Variants in CTNNB1 observed in about 807,000 individuals in gnomAD.
CTNNB1 encodes catenin beta 1, also known as catenin beta-1.
A neutral mutation model predicts 82.5 loss-of-function variants in CTNNB1; 6 were observed. That is an observed-to-expected ratio of 0.07 (90% CI 0.04 to 0.14). The LOEUF (loss-of-function observed/expected upper bound fraction) is 0.14. CTNNB1 is among the 10% of genes least tolerant of loss of function. The pLI is 1.00. For synonymous variants in CTNNB1, 312 were observed against 329.7 expected (o/e 0.95, Z 0.58); for missense variants, 529 against 980.4 (o/e 0.54, Z 6.15).
chr3:41,200,314 C>A (rs2077497730), intron 1 of CTNNB1: 1 of 152,120 alleles, frequency 6.6e-6, no homozygotes, highest in African/African-American at 2.4e-5. Flanking sequence ...GCAGCGGGTG[C>A]GATGCGTCAG....
chr3:41,203,812 A>T (rs565561279), intron 1 of CTNNB1, among the ~76,000 whole-genome samples: 3 of 152,338 alleles, frequency 2.0e-5, no homozygotes, highest in Non-Finnish European at 1.5e-5. Context: ...TATTTTCTGA[A>T]AATCCATGTT....
chr3:41,203,356 C>CGA (rs2125584116), intron 1 of CTNNB1, among the ~76,000 whole-genome samples: 1 of 152,146 alleles, frequency 6.6e-6, no homozygotes, highest in African/African-American at 2.4e-5. Context: ...AAAATGTCTT[C>CGA]TCAGCCAATA....
intron 1 of CTNNB1, among the ~76,000 whole-genome samples, chr3:41,210,677 TTTTAAGAAG>T (rs2077760625): frequency 6.6e-6 from 1 of 152,190 alleles, no homozygotes; most frequent in Non-Finnish European, 1.5e-5. Flanking sequence ...AACTTTTTTT[TTTTAAGAAG>T]TAACAGAAGG....
chr3:41,232,015 A>G (rs1370973033), intron 7 of CTNNB1, among the ~76,000 whole-genome samples: 1 of 152,224 alleles, frequency 6.6e-6, no homozygotes, highest in African/African-American at 2.4e-5. Context: ...GTAGCTGGAA[A>G]TGTATGATAC....
chr3:41,223,992 C>A, intron 1 of CTNNB1, 29 bp from the exon 2 acceptor site: 1 of 1,464,094 alleles, frequency 6.8e-7, no homozygotes, highest in Non-Finnish European at 9.6e-7. Flanking sequence ...AAATTTAAAT[C>A]CTAATGACTT....
chr3:41,234,727 G>C (rs1183717471), intron 10 of CTNNB1: 2 of 198,704 alleles, frequency 1.0e-5, no homozygotes, highest in Non-Finnish European at 2.1e-5. Context: ...CTTTTTTCAT[G>C]GACCTAAGAA....
chr3:41,216,545 CTTTT>C (rs1363707972), intron 1 of CTNNB1, among the ~76,000 whole-genome samples: 2 of 152,186 alleles, frequency 1.3e-5, no homozygotes, highest in African/African-American at 4.8e-5. Context: ...TTGGTTACCA[CTTTT>C]TTTATTTATA....
chr3:41,239,079 CCTCT>C (rs1269171924), intron 14 of CTNNB1, 51 bp from the exon 15 acceptor site: 3 of 1,432,590 alleles, frequency 2.1e-6, no homozygotes, highest in South Asian at 2.3e-5. Context: ...CTGCTTCTCT[CCTCT>C]CTCTTTTGCC....
intron 1 of CTNNB1, among the ~76,000 whole-genome samples, chr3:41,202,576 G>GT (rs1454244317): frequency 6.6e-6 from 1 of 152,124 alleles, no homozygotes; most frequent in Non-Finnish European, 1.5e-5. Flanking sequence ...GCGGCTTCTG[G>GT]TTTGTCCATC....
chr3:41,214,670 C>T (rs116648534), intron 1 of CTNNB1, among the ~76,000 whole-genome samples: 1,577 of 152,130 alleles, frequency 0.01, 27 homozygotes, highest in African/African-American at 0.036. Context: ...AAAAATACAC[C>T]TGCCTTTGTT....
In CTNNB1 at chr3:41,225,846, C is replaced by T. The variant is rs2125624876; in HGVS notation, c.921C>T (p.Gly307=). Residue 307 remains glycine, a synonymous_variant, in exon 6 of 15, where the codon GGC becomes GGT. Transcript: ENST00000349496. This position sits in a 1 kb window ranked among gnomAD's most constrained non-coding sequence, Gnocchi z 5.3. ...ACTGCCTTCAAATTTTAGCTTATGG[C>T]AACCAAGAAAGCAAGGTAAGAGAAT... is the stretch of plus-strand genomic sequence containing the variant. ...TTDCLQILAY[G]NQESKLIILA... is the part of the protein sequence containing the mutation. 1 of 1,613,430 alleles carries T rather than the reference C, an allele frequency of 6.2e-7. No individual in the cohort carries two copies. The highest frequency in any genetic ancestry group is 8.5e-7 in the Non-Finnish European group (1 of 1,179,684).
At chr3:41,231,259 G>A (rs758981901) in intron 7 of CTNNB1, among the ~76,000 whole-genome samples, 4 of 152,008 alleles carry the variant, frequency 2.6e-5, no homozygotes, top group East Asian at 1.9e-4. Flanking sequence ...CCCGGGAGGC[G>A]GAGCTTGCAG....
At chr3:41,219,221 G>A (rs934024615) in intron 1 of CTNNB1, among the ~76,000 whole-genome samples, 4 of 152,150 alleles carry the variant, frequency 2.6e-5, no homozygotes, top group Non-Finnish European at 4.4e-5. Context: ...TGGAGTGAAA[G>A]ATTGTTTAAA....
At chr3:41,204,615 G>GT (rs2077608034) in intron 1 of CTNNB1, among the ~76,000 whole-genome samples, 1 of 152,206 alleles carries the variant, frequency 6.6e-6, no homozygotes, top group Admixed American at 6.5e-5. Flanking sequence ...TGGGAATATA[G>GT]TTTATGTTGC....
intron 1 of CTNNB1, among the ~76,000 whole-genome samples, chr3:41,211,788 G>A (rs1480235337): frequency 6.6e-6 from 1 of 152,178 alleles, no homozygotes; most frequent in Non-Finnish European, 1.5e-5. Context: ...GGGCATTTGG[G>A]TTGATTGTAT....
intron 1 of CTNNB1, among the ~76,000 whole-genome samples, chr3:41,218,739 T>A (rs2077971015): frequency 6.6e-6 from 1 of 152,188 alleles, no homozygotes; most frequent in Non-Finnish European, 1.5e-5. Flanking sequence ...GTATTTTTAG[T>A]AGAGACAGGG....
intron 10 of CTNNB1, 107 bp downstream of exon 10, chr3:41,234,404 G>C (rs1042380215): frequency 1.5e-5 from 17 of 1,101,704 alleles, no homozygotes; most frequent in Middle Eastern, 4.0e-4. Context: ...CCGTCTTCCT[G>C]AAGAGCTAAT....
At chr3:41,238,123 C>T in intron 14 of CTNNB1, 47 bp downstream of exon 14, 1 of 1,548,932 alleles carries the variant, frequency 6.5e-7, no homozygotes, top group Non-Finnish European at 8.9e-7. Context: ...AGCTAAAGTT[C>T]TAAAACTTTT....
intron 1 of CTNNB1, among the ~76,000 whole-genome samples, chr3:41,209,614 A>G (rs1375005319): frequency 1.3e-5 from 2 of 152,242 alleles, no homozygotes; most frequent in African/African-American, 4.8e-5. Flanking sequence ...ATCAGAGTAT[A>G]CATAGACAAA....
Sources: allele counts gnomAD v4.1 joint callset (sites outside exome capture counted in the v4.1 genomes callset), GRCh38; gene constraint gnomAD v4.1.1; non-coding constraint Gnocchi (gnomAD v3.1); transcripts MANE v1.5; gene names NCBI Gene and HGNC (gene_info 2026-07-23, HGNC 2026-07-21).